RNF220: variants seen among roughly 807,000 people sequenced by gnomAD.
RNF220 encodes the protein ring finger protein 220.
RNF220 carries 7 observed loss-of-function variants against 67.1 expected under a neutral mutation model. The observed-to-expected ratio is 0.10, with a 90% CI of 0.06 to 0.20. RNF220 has a LOEUF of 0.20. RNF220 is among the 10% of genes least tolerant of loss of function. The pLI, the probability that RNF220 is intolerant of heterozygous loss-of-function variation, is 1.00. For missense variants in RNF220, 565 were observed against 740.3 expected (o/e 0.76, Z 2.75); for synonymous variants, 270 against 283.2 (o/e 0.95, Z 0.47).
At chr1:44,597,683 A>G (rs559179731) in intron 2 of RNF220, among the ~76,000 whole-genome samples, 15 of 152,064 alleles carry the variant, frequency 9.9e-5, no homozygotes, top group African/African-American at 3.6e-4. Context: ...TGGCTCCGGC[A>G]CACACGCACC....
At chr1:44,602,466 G>C (rs1399330095) in intron 2 of RNF220, among the ~76,000 whole-genome samples, 1 of 152,148 alleles carries the variant, frequency 6.6e-6, no homozygotes, top group Non-Finnish European at 1.5e-5. Flanking sequence ...TCTAGAGACT[G>C]CGGATGGAGA....
At chr1:44,620,289 AAC>A (rs1643740507) in intron 3 of RNF220, among the ~76,000 whole-genome samples, 1 of 152,238 alleles carries the variant, frequency 6.6e-6, no homozygotes, top group South Asian at 2.1e-4. Flanking sequence ...TCAATGAGAT[AAC>A]ACATGTTAAG....
chr1:44,596,751 C>T (rs1666524389), intron 2 of RNF220, among the ~76,000 whole-genome samples: 2 of 152,182 alleles, frequency 1.3e-5, no homozygotes, highest in South Asian at 4.1e-4. Context: ...GGGCCTCTTT[C>T]TAGGCAGCAG....
In RNF220 at chr1:44,567,775, A is replaced by G. The variant is rs906190982; in HGVS notation, c.626-46390A>G. Among the ~76,000 whole-genome samples, 11 of 152,230 alleles carry G rather than the reference A, an allele frequency of 7.2e-5. No homozygotes were observed. The South Asian group carries it at 8.3e-4, about 11-fold the overall frequency. On this transcript the variant is annotated intron_variant, in intron 2 of 14. Coordinates refer to ENST00000361799, the MANE Select transcript of RNF220 (RefSeq NM_018150.4). ...ACTCTGACTGGAGCTCATGGAGCTCACATCTACTAGGGAGAAAGACTTCTG... is the reference window on the plus strand; with the variant it reads ...ACTCTGACTGGAGCTCATGGAGCTCGCATCTACTAGGGAGAAAGACTTCTG...
At chr1:44,543,782 G>A (rs1217137391) in intron 2 of RNF220, among the ~76,000 whole-genome samples, 2 of 152,066 alleles carry the variant, frequency 1.3e-5, no homozygotes, top group South Asian at 2.1e-4. Context: ...GGCTGTGGGG[G>A]GAGATATCTC....
intron 2 of RNF220, among the ~76,000 whole-genome samples, chr1:44,420,488 T>C (rs1649089530): frequency 6.6e-6 from 1 of 152,250 alleles, no homozygotes; most frequent in Non-Finnish European, 1.5e-5. Context: ...CAGCTAATCC[T>C]ATATTGCTCT....
chr1:44,424,677 C>T (rs1264340295), intron 2 of RNF220, among the ~76,000 whole-genome samples: 1 of 152,200 alleles, frequency 6.6e-6, no homozygotes, highest in Non-Finnish European at 1.5e-5. Context: ...AGGATCTGTC[C>T]ACCTGTCCCG....
intron 2 of RNF220, among the ~76,000 whole-genome samples, chr1:44,463,809 A>G (rs564460936): frequency 1.2e-4 from 18 of 152,334 alleles, no homozygotes; most frequent in Admixed American, 1.0e-3. Context: ...TAATTCACTC[A>G]TGGAGTTTGA....
chr1:44,506,848 T>G (rs1212810985), intron 2 of RNF220, among the ~76,000 whole-genome samples: 3 of 152,198 alleles, frequency 2.0e-5, no homozygotes. Flanking sequence ...CAAAAATCCC[T>G]GCCTTATGGG....
intron 2 of RNF220, among the ~76,000 whole-genome samples, chr1:44,519,726 A>G (rs1236648295): frequency 2.0e-5 from 3 of 152,210 alleles, no homozygotes; most frequent in Non-Finnish European, 4.4e-5. Flanking sequence ...AGAGAGAAGA[A>G]TAGATTGCAC....
intron 2 of RNF220, among the ~76,000 whole-genome samples, chr1:44,418,686 G>T (rs951042938): frequency 1.3e-5 from 2 of 151,534 alleles, no homozygotes; most frequent in Non-Finnish European, 2.9e-5. Flanking sequence ...AACAAAAGTT[G>T]CTGTCCCTCC....
At chr1:44,449,079 T>G (rs1174834887) in intron 2 of RNF220, among the ~76,000 whole-genome samples, 1 of 152,198 alleles carries the variant, frequency 6.6e-6, no homozygotes, top group Admixed American at 6.5e-5. Context: ...TTGTATTAAC[T>G]TTCCATGTTT....
At chr1:44,530,306 A>T (rs1660733814) in intron 2 of RNF220, among the ~76,000 whole-genome samples, 1 of 152,152 alleles carries the variant, frequency 6.6e-6, no homozygotes, top group Non-Finnish European at 1.5e-5. Context: ...AAGTCTTTTG[A>T]CAAGATGGAG....
intron 6 of RNF220, among the ~76,000 whole-genome samples, chr1:44,633,446 T>C (rs1228366969): frequency 6.6e-6 from 1 of 152,168 alleles, no homozygotes; most frequent in African/African-American, 2.4e-5. Context: ...AGCCTCTGGA[T>C]AGAGAACAGA....
Position 44,509,273 on chromosome 1 carries a change from G to A in RNF220, c.625+96551G>A, listed in dbSNP as rs118121740. 9.5e-4 allele frequency among the ~76,000 whole-genome samples: 144 copies of A among 152,286 alleles called. 6 individuals are homozygous for A. The East Asian group carries it at 0.018, about 19-fold the overall frequency. On this transcript the variant is annotated intron_variant, in intron 2 of 14. Coordinates refer to ENST00000361799, the MANE Select transcript of RNF220 (RefSeq NM_018150.4). ...TATTAGAAAATAGGCATAGGCAGCC[G>A]GGTGTGGTGGCTCACGCCTGTAATC...
chr1:44,640,163 G>A (rs1176486297), intron 8 of RNF220, among the ~76,000 whole-genome samples: 1 of 152,250 alleles, frequency 6.6e-6, no homozygotes, highest in African/African-American at 2.4e-5. Context: ...GGGGTAAGAG[G>A]TGTTGTAAGC....
chr1:44,453,715 T>C (rs1186818620), intron 2 of RNF220, among the ~76,000 whole-genome samples: 1 of 152,184 alleles, frequency 6.6e-6, no homozygotes, highest in Non-Finnish European at 1.5e-5. Flanking sequence ...TGCATTTATG[T>C]TCTTAAGTAA....
chr1:44,461,573 G>T (rs114060355), intron 2 of RNF220, among the ~76,000 whole-genome samples: 1 of 151,964 alleles, frequency 6.6e-6, no homozygotes, highest in Admixed American at 6.6e-5. Flanking sequence ...TGTGGTTTGC[G>T]GTCTCTTCTG....
chr1:44,406,708 G>A (rs1035585820), intron 1 of RNF220, among the ~76,000 whole-genome samples: 3 of 151,926 alleles, frequency 2.0e-5, no homozygotes, highest in African/African-American at 7.2e-5. Flanking sequence ...CCCAACCCGG[G>A]GCTTTTCAGG....
Sources: gnomAD v4.1 joint callset for allele counts (sites outside exome capture counted in the v4.1 genomes callset) on GRCh38, gnomAD v4.1.1 for gene constraint, MANE v1.5 for transcripts, NCBI Gene and HGNC (gene_info 2026-07-23, HGNC 2026-07-21) for gene names.